The following CCNJ variants were observed in gnomAD, a reference collection of about 807,000 sequenced individuals.
The protein encoded by CCNJ is cyclin-J.
In CCNJ, 12 loss-of-function variants were observed where a neutral mutation model predicts 41.4. The observed-to-expected ratio is 0.29, with a 90% CI of 0.19 to 0.47. CCNJ has a LOEUF of 0.47. Among genes scored for constraint, CCNJ ranks in the 20% least tolerant of loss-of-function variants. The pLI, the probability that CCNJ is intolerant of heterozygous loss-of-function variation, is 1.00. For missense variants in CCNJ, 340 were observed against 464.6 expected (o/e 0.73, Z 2.47); for synonymous variants, 161 against 173.4 (o/e 0.93, Z 0.56).
intron 3 of CCNJ, among the ~76,000 whole-genome samples, chr10:96,056,032 G>A (rs946295434): frequency 2.6e-5 from 4 of 152,156 alleles, no homozygotes; most frequent in African/African-American, 7.2e-5. Context: ...CCTCTTGGCC[G>A]GGCGCAGTGG....
intron 2 of CCNJ, 33 bp from the exon 3 acceptor site, chr10:96,050,223 A>G (rs981545716): frequency 2.3e-5 from 32 of 1,415,416 alleles, no homozygotes; most frequent in Non-Finnish European, 3.2e-5. Context: ...GCCTACAGAT[A>G]GGTCAGACTA....
chr10:96,055,197 G>T (rs1376045294), intron 3 of CCNJ, among the ~76,000 whole-genome samples: 1 of 152,170 alleles, frequency 6.6e-6, no homozygotes, highest in Non-Finnish European at 1.5e-5. Flanking sequence ...ACTTAAGTTT[G>T]GGATCAACTT....
rs1353689747 is a variant in CCNJ at position 96,044,388 on chromosome 10, G to A, written c.-6G>A. 1 of 1,528,966 alleles carries A rather than the reference G, an allele frequency of 6.5e-7. No homozygotes were observed. The highest frequency in any genetic ancestry group is 1.4e-5 in the African/African-American group (1 of 71,242). The allele number at this position is 1,528,966 out of a possible 1,614,324, so 94.7% of individuals were successfully genotyped here. A position where few individuals can be genotyped will look rare whatever the true frequency, so the allele number is the denominator to read the frequency against. On this transcript the variant is annotated 5_prime_UTR_variant, in exon 2 of 6. Coordinates refer to ENST00000465148, the MANE Select transcript of CCNJ (RefSeq NM_001134375.2). ...CCGCGTCGGGCTGGGCGCGCCGCCGGGTCCCATGGAGCTGGAGGGGCAGTG... is the reference window on the plus strand; with the variant it reads ...CCGCGTCGGGCTGGGCGCGCCGCCGAGTCCCATGGAGCTGGAGGGGCAGTG...
At chr10:96,051,240 CCT>C (rs2080513470) in intron 3 of CCNJ, among the ~76,000 whole-genome samples, 4 of 152,100 alleles carry the variant, frequency 2.6e-5, no homozygotes, top group East Asian at 1.9e-4. Context: ...TCTTTTGGCC[CCT>C]CTTTCTCTTT....
intron 2 of CCNJ, among the ~76,000 whole-genome samples, chr10:96,047,861 C>T (rs534501290): frequency 6.6e-6 from 1 of 152,222 alleles, no homozygotes; most frequent in South Asian, 2.1e-4. Flanking sequence ...TGGTGGCTTA[C>T]TGCACAGATC....
rs1413786111 is a variant in CCNJ, at chr10:96,043,598, G to A, written c.-163G>A. The A allele has an allele frequency of 5.1e-6, 2 of 395,154 alleles. No individual in the cohort carries two copies. The highest frequency in any genetic ancestry group is 4.1e-5 in the African/African-American group (2 of 48,444). 24.5% of individuals were successfully genotyped at this position (395,154 alleles called of 1,614,324 possible). On this transcript the variant is annotated 5_prime_UTR_variant, in exon 1 of 6. Coordinates refer to ENST00000465148, the MANE Select transcript of CCNJ (RefSeq NM_001134375.2). ...CCGGTCCTTTAACAATGGGCGGCGC[G>A]AGCGTCCAGGCGCTGGGCTCTAGCT...
intron 2 of CCNJ, among the ~76,000 whole-genome samples, 159 bp from the exon 3 acceptor site, chr10:96,050,097 T>C (rs79293542): frequency 0.025 from 3,857 of 152,292 alleles, 81 homozygotes; most frequent in Non-Finnish European, 0.035. Context: ...TGTCATTCAT[T>C]ATCCCTCCAC....
chr10:96,048,897 T>TC (rs1481576192), intron 2 of CCNJ, among the ~76,000 whole-genome samples: 1 of 152,226 alleles, frequency 6.6e-6, no homozygotes, highest in Non-Finnish European at 1.5e-5. Flanking sequence ...TACAAATCTC[T>TC]CTTCAAGTCC....
At chr10:96,049,849 C>T (rs143400141) in intron 2 of CCNJ, among the ~76,000 whole-genome samples, 135 of 152,240 alleles carry the variant, frequency 8.9e-4, no homozygotes, top group South Asian at 1.9e-3. Context: ...AGCATATCCA[C>T]TTATCTATTA....
rs1445332823 is a variant in CCNJ, at chr10:96,057,924, C to G, written c.835C>G (p.Pro279Ala). ...AAGTGTATTCCAGACAGCCTCCCAG[C>G]CATCACGGCCAGTTCACTTTCAGCA... ...QLSVFQTASQ[P>A]SRPVHFQQPQ... Residue 279 changes from proline (P) to alanine (A), a missense_variant, in exon 6 of 6, where the codon CCA becomes GCA. Transcript: ENST00000465148. The G allele has an allele frequency of 1.9e-6, 3 of 1,614,084 alleles. No homozygotes were observed. Among genetic ancestry groups the G allele is most frequent in the Non-Finnish European group, 2.5e-6 (3 of 1,180,020 alleles).
At chr10:96,050,888 C>G (rs1273206392) in intron 3 of CCNJ, among the ~76,000 whole-genome samples, 1 of 152,176 alleles carries the variant, frequency 6.6e-6, no homozygotes, top group Admixed American at 6.5e-5. Context: ...GTTGTCACAT[C>G]TGGTGATAAA....
In CCNJ at chr10:96,056,692, T is replaced by C. The variant is rs1293433818; in HGVS notation, c.281-9T>C. 2 of 1,571,248 alleles carry C rather than the reference T, an allele frequency of 1.3e-6. No individual in the cohort carries two copies. Among genetic ancestry groups the C allele is most frequent in the African/African-American group, 2.7e-5 (2 of 73,206 alleles). ...TTTTCTCTCCCCTCCCATCCCCTTTTCTTATAAGGTAAATTTGAAGAAAAA... is the reference window on the plus strand; with the variant it reads ...TTTTCTCTCCCCTCCCATCCCCTTTCCTTATAAGGTAAATTTGAAGAAAAA... On this transcript the variant is annotated splice_polypyrimidine_tract_variant and intron_variant, in intron 3 of 5. Coordinates refer to ENST00000465148, the MANE Select transcript of CCNJ (RefSeq NM_001134375.2).
rs1192632870 is a variant in CCNJ, at chr10:96,056,805, C to T, written c.385C>T (p.His129Tyr). 2 of 1,614,026 alleles carry T rather than the reference C, an allele frequency of 1.2e-6. No individual in the cohort carries two copies. The highest frequency in any genetic ancestry group is 2.7e-5 in the African/African-American group (2 of 75,024). Residue 129 changes from histidine to tyrosine, a missense_variant, in exon 4 of 6, where the codon CAT becomes TAT. Around this residue, in one of 3 missense-constraint regions of CCNJ, gnomAD observed 137 missense variants for 252.9 expected, o/e 0.54. Coordinates refer to ENST00000465148, the MANE Select transcript of CCNJ (RefSeq NM_001134375.2). Reference sequence around the variant, plus strand: ...AGTATTAACAAAACAAAATTTGCTACATATGGAACTATTATTATTAGAAAC... The same window carrying T: ...AGTATTAACAAAACAAAATTTGCTATATATGGAACTATTATTATTAGAAAC... ...NLVLTKQNLL[H>Y]MELLLLETFQ... is the part of the protein sequence containing the mutation.
chr10:96,057,066 T>G, intron 4 of CCNJ, 22 bp from the exon 5 acceptor site: 1 of 1,613,970 alleles, frequency 6.2e-7, no homozygotes, highest in Non-Finnish European at 8.5e-7. Context: ...GTTCCTTAAG[T>G]TCATTTTTGG....
At position 96,043,597 on chromosome 10, in the gene CCNJ, C is replaced by T; in HGVS notation, c.-164C>T. On this transcript the variant is annotated 5_prime_UTR_variant, in exon 1 of 6. Transcript: ENST00000465148. Reference sequence around the variant, plus strand: ...GCCGGTCCTTTAACAATGGGCGGCGCGAGCGTCCAGGCGCTGGGCTCTAGC... The same window carrying T: ...GCCGGTCCTTTAACAATGGGCGGCGTGAGCGTCCAGGCGCTGGGCTCTAGC... 1 of 395,278 alleles carries T rather than the reference C, an allele frequency of 2.5e-6. No individual in the cohort carries two copies. The highest frequency in any genetic ancestry group is 4.5e-6 in the Non-Finnish European group (1 of 223,808). 24.5% of individuals were successfully genotyped at this position (395,278 alleles called of 1,614,324 possible).
At chr10:96,051,462 CT>C (rs1339871648) in intron 3 of CCNJ, among the ~76,000 whole-genome samples, 1 of 152,074 alleles carries the variant, frequency 6.6e-6, no homozygotes, top group Non-Finnish European at 1.5e-5. Context: ...ACTTTTAACT[CT>C]CACTTGAGGG....
intron 1 of CCNJ, 124 bp from the exon 2 acceptor site, chr10:96,044,229 T>C (rs546201474): frequency 5.1e-5 from 23 of 447,746 alleles, no homozygotes; most frequent in African/African-American, 3.5e-4. Flanking sequence ...TCGGGCTGGG[T>C]TGAGGAAGAG....
At chr10:96,050,845 A>G (rs1564703805) in intron 3 of CCNJ, among the ~76,000 whole-genome samples, 4 of 152,238 alleles carry the variant, frequency 2.6e-5, no homozygotes. Flanking sequence ...TTTGTCCCAC[A>G]GGGAACACTT....
chr10:96,044,887 G>T (rs531095450), intron 2 of CCNJ, among the ~76,000 whole-genome samples: 1 of 152,194 alleles, frequency 6.6e-6, no homozygotes, highest in East Asian at 1.9e-4. Context: ...GTGGACAAGT[G>T]AAATTTCTGT....
Sources: gnomAD v4.1 joint callset for allele counts (sites outside exome capture counted in the v4.1 genomes callset) on GRCh38, gnomAD v4.1.1 for gene constraint, gnomAD v4.1.1 regional missense constraint, MANE v1.5 for transcripts, NCBI Gene and HGNC (gene_info 2026-07-23, HGNC 2026-07-21) for gene names.